The following CORO7 variants were observed in gnomAD, a reference collection of about 807,000 sequenced individuals.
The protein encoded by CORO7 is coronin-7.
A neutral mutation model predicts 126.6 loss-of-function variants in CORO7; 107 were observed. That is an observed-to-expected ratio of 0.85 (90% CI 0.72 to 0.99). The LOEUF (loss-of-function observed/expected upper bound fraction) is 0.99, where lower values mean the gene tolerates loss of function less well. Ranked by LOEUF, CORO7 falls within the 50% of genes least tolerant of loss-of-function variation. The pLI, the probability that CORO7 is intolerant of heterozygous loss-of-function variation, is 0.00. For synonymous variants in CORO7, 603 were observed against 536.8 expected (o/e 1.12, Z -1.70); for missense variants, 1,314 against 1,255.8 (o/e 1.05, Z -0.70).
intron 6 of CORO7, among the ~76,000 whole-genome samples, chr16:4,396,230 C>A (rs1275684909): frequency 6.6e-6 from 1 of 152,138 alleles, no homozygotes; most frequent in Non-Finnish European, 1.5e-5. Flanking sequence ...CAGGCGCCCA[C>A]CACCACATCT....
At chr16:4,413,193 A>G (rs2056278091) in intron 2 of CORO7, 115 bp downstream of exon 2, 1 of 1,110,674 alleles carries the variant, frequency 9.0e-7, no homozygotes, top group Non-Finnish European at 1.3e-6. Flanking sequence ...AGCCCCCCAA[A>G]GCAGTTCCGT....
chr16:4,410,966 T>G (rs908899018), intron 3 of CORO7, among the ~76,000 whole-genome samples: 5 of 152,218 alleles, frequency 3.3e-5, no homozygotes, highest in Admixed American at 3.3e-4. Flanking sequence ...GCAGATCAGC[T>G]GTTGCCTGAG....
chr16:4,355,409 T>C (rs1200502602), intron 26 of CORO7, 37 bp from the exon 27 acceptor site: 38 of 1,579,684 alleles, frequency 2.4e-5, no homozygotes, highest in Non-Finnish European at 3.2e-5. Context: ...GGTAAGGGAA[T>C]AGGACTCCCT....
At chr16:4,391,031 T>G (rs2918601) in intron 7 of CORO7, among the ~76,000 whole-genome samples, 8,674 of 152,250 alleles carry the variant, frequency 0.057, 293 homozygotes, top group Admixed American at 0.1. Flanking sequence ...CCAGCTCAGT[T>G]TGCCCAGAGA....
At chr16:4,368,850 T>C (rs1338338630) in intron 9 of CORO7, among the ~76,000 whole-genome samples, 1 of 148,594 alleles carries the variant, frequency 6.7e-6, no homozygotes, top group African/African-American at 2.5e-5. Context: ...TGGCACAGAG[T>C]AGGGATCACA....
At chr16:4,413,967 T>C (rs1356100135) in intron 1 of CORO7, among the ~76,000 whole-genome samples, 1 of 150,590 alleles carries the variant, frequency 6.6e-6, no homozygotes, top group East Asian at 2.0e-4. Context: ...AGACAGATCA[T>C]CCTGAGGTCA....
intron 9 of CORO7, among the ~76,000 whole-genome samples, chr16:4,378,883 G>A (rs1291695): frequency 0.57 from 85,983 of 151,902 alleles, 25,704 homozygotes; most frequent in East Asian, 0.78. Context: ...TAACTGGCTA[G>A]GGGCTCAGGG....
rs917066325 is a variant in CORO7 at position 4,416,508 on chromosome 16, A to T, written c.11T>A (p.Phe4Tyr). 3 of 1,578,030 alleles carry T rather than the reference A, an allele frequency of 1.9e-6. No homozygotes were observed. The highest frequency in any genetic ancestry group is 2.8e-5 in the African/African-American group (2 of 70,890). The change falls in exon 1 of 28, where the codon TTC (phenylalanine) becomes TAC (tyrosine). Residue 4 changes from phenylalanine (F) to tyrosine (Y), a missense_variant. Transcript: ENST00000251166. ...GGTGTGCCGGAACTTGGACACCCTG[A>T]AGCGGTTCATGGCGACGGGCACGGC... Reference protein sequence around the residue: MNRFRVSKFRHTEA... With the variant: MNRYRVSKFRHTEA...
rs9928967 is a variant in CORO7, at chr16:4,364,344, C to T, written c.1207G>A (p.Ala403Thr). ...PSFTSCLVPP[A>T]EPLPDTAQPA... ...TGGGCTGTGTCAGGGAGGGGCTCCG[C>T]AGGGGGCACCAGACAGGAAGTGAAG... Residue 403 changes from alanine to threonine, a missense_variant, in exon 14 of 28, where the codon GCG becomes ACG. Coordinates refer to ENST00000251166, the MANE Select transcript of CORO7 (RefSeq NM_024535.5). The T allele has an allele frequency of 7.0e-3, 10,681 of 1,528,666 alleles. 699 individuals are homozygous for T. The African/African-American group carries it at 0.13, about 19-fold the overall frequency. 94.7% of individuals were successfully genotyped at this position (1,528,666 alleles called of 1,614,324 possible). A position where few individuals can be genotyped will look rare whatever the true frequency, so the allele number is the denominator to read the frequency against.
chr16:4,387,365 A>G (rs1208360452), intron 9 of CORO7, among the ~76,000 whole-genome samples: 1 of 151,900 alleles, frequency 6.6e-6, no homozygotes, highest in Non-Finnish European at 1.5e-5. Context: ...CTCTCCACAC[A>G]CTTCTGGGGG....
At chr16:4,382,445 C>T in intron 9 of CORO7, 2 of 1,609,894 alleles carry the variant, frequency 1.2e-6, no homozygotes, top group Non-Finnish European at 1.7e-6. Context: ...TACACGGTCA[C>T]CCAGCTGCGG....
intron 9 of CORO7, chr16:4,382,284 G>T (rs1270858265): frequency 6.2e-7 from 1 of 1,609,578 alleles, no homozygotes; most frequent in Non-Finnish European, 8.5e-7. Context: ...TGGGCATCGA[G>T]CCGGTGAGCC....
rs996957425 is a variant in CORO7 at position 4,412,977 on chromosome 16, C to T, written c.157+331G>A. The T allele has an allele frequency of 1.4e-5, 4 of 294,780 alleles. No homozygotes were observed. In the Admixed American group the frequency reaches 1.4e-4, roughly 10 times the overall value. 18.3% of individuals were successfully genotyped at this position (294,780 alleles called of 1,614,324 possible). A position where few individuals can be genotyped will look rare whatever the true frequency, so the allele number is the denominator to read the frequency against. On this transcript the variant is annotated intron_variant, in intron 2 of 27. Transcript: ENST00000251166. ...GGCTTTTCAAGCCTTTCTGTTCCTA[C>T]TGTCCCCAGCCATCCAGGGCCCAAA... is the stretch of plus-strand genomic sequence containing the variant.
intron 1 of CORO7, 88 bp from the exon 2 acceptor site, chr16:4,413,492 G>A (rs2056291638): frequency 7.8e-7 from 1 of 1,275,132 alleles, no homozygotes; most frequent in East Asian, 2.6e-5. Flanking sequence ...CATAATCTGG[G>A]GAACTCTAGC....
chr16:4,381,960 G>A (rs747416754), intron 9 of CORO7: 38 of 1,608,432 alleles, frequency 2.4e-5, no homozygotes, highest in Admixed American at 1.2e-4. Context: ...TGCCCACCAC[G>A]AGGCCCGTGG....
intron 1 of CORO7, chr16:4,414,494 C>T (rs1472982864): frequency 1.3e-5 from 2 of 152,282 alleles, no homozygotes; most frequent in East Asian, 3.8e-4. Flanking sequence ...CCCATAGCAC[C>T]CCGGAAACCA....
In CORO7 at chr16:4,362,527, G is replaced by A; in HGVS notation, c.1402+85C>T. 5 of 1,477,030 alleles carry A rather than the reference G, an allele frequency of 3.4e-6. No homozygotes were observed. Among genetic ancestry groups the A allele is most frequent in the Non-Finnish European group, 3.6e-6 (4 of 1,115,926 alleles). 91.5% of individuals were successfully genotyped at this position (1,477,030 alleles called of 1,614,324 possible). The stretch of plus-strand genomic sequence containing the variant: ...GTGCCCTGCATGAGGCCTGTGCTCA[G>A]CAGTAGGGTACACAGGAGGATGACG... On this transcript the variant is annotated intron_variant, in intron 15 of 27. Transcript: ENST00000251166. The surrounding 1 kb of genome is among the most constrained non-coding windows in gnomAD (Gnocchi z 5.3).
rs368196653 is a variant in CORO7 at position 4,364,559 on chromosome 16, C to T, written c.1137+38G>A. The T allele has an allele frequency of 7.2e-6, 11 of 1,536,956 alleles. No individual in the cohort carries two copies. In the Admixed American group the frequency reaches 8.0e-5, roughly 11 times the overall value. On this transcript the variant is annotated intron_variant, in intron 13 of 27. Transcript: ENST00000251166. ...CAGCCACACGGGGCTACCAGGGACT[C>T]GGGGAGGCTGGGAGAGGTGAGCCAG...
chr16:4,369,639 C>G (rs2054458664), intron 9 of CORO7, among the ~76,000 whole-genome samples: 1 of 152,182 alleles, frequency 6.6e-6, no homozygotes, highest in African/African-American at 2.4e-5. Context: ...TGATTAGCAC[C>G]GAGGGGAAGC....
Sources: gnomAD v4.1 joint callset for allele counts (sites outside exome capture counted in the v4.1 genomes callset) on GRCh38, gnomAD v4.1.1 for gene constraint, Gnocchi (gnomAD v3.1) non-coding constraint, MANE v1.5 for transcripts, NCBI Gene and HGNC (gene_info 2026-07-23, HGNC 2026-07-21) for gene names.